FHIT: variants seen among roughly 807,000 people sequenced by gnomAD.
FHIT encodes fragile histidine triad diadenosine triphosphatase, also known as bis(5'-adenosyl)-triphosphatase.
FHIT carries 19 observed loss-of-function variants against 17.9 expected under a neutral mutation model. That is an observed-to-expected ratio of 1.06 (90% CI 0.74 to 1.56). The LOEUF (loss-of-function observed/expected upper bound fraction) is 1.56. Ranked by LOEUF, FHIT falls within the 40% of genes most tolerant of loss-of-function variation. FHIT has a pLI of 0.00. For synonymous variants in FHIT, 81 were observed against 69.7 expected, an observed-to-expected ratio of 1.16 and a Z score of -0.81; for missense variants, 248 against 189.2, an observed-to-expected ratio of 1.31 and a Z score of -1.82.
intron 3 of FHIT, among the ~76,000 whole-genome samples, chr3:61,040,334 A>T (rs1052649158): frequency 7.2e-5 from 11 of 152,344 alleles, no homozygotes; most frequent in East Asian, 1.9e-4. Flanking sequence ...TGAAAGTACT[A>T]TTGAGGATCA....
At chr3:60,834,547 T>A (rs534219681) in intron 3 of FHIT, among the ~76,000 whole-genome samples, 102 of 151,640 alleles carry the variant, frequency 6.7e-4, no homozygotes, top group Non-Finnish European at 1.4e-3. Context: ...AGCCTGTAGT[T>A]ATTCTTTTCA....
At chr3:60,412,787 G>A (rs1702109766) in intron 5 of FHIT, among the ~76,000 whole-genome samples, 1 of 152,296 alleles carries the variant, frequency 6.6e-6, no homozygotes, top group South Asian at 2.1e-4. Flanking sequence ...TAATCCCCAT[G>A]TGTCAAAGGA....
intron 2 of FHIT, among the ~76,000 whole-genome samples, chr3:61,130,018 G>A (rs2036718425): frequency 1.3e-5 from 2 of 152,168 alleles, no homozygotes; most frequent in South Asian, 4.1e-4. Context: ...ATGTGTATTT[G>A]TTAACCACTA....
At chr3:59,807,176 C>T (rs889844538) in intron 8 of FHIT, among the ~76,000 whole-genome samples, 1 of 152,144 alleles carries the variant, frequency 6.6e-6, no homozygotes, top group African/African-American at 2.4e-5. Flanking sequence ...TCAAAAATTA[C>T]ATTTTGGAAT....
At chr3:60,726,181 G>C (rs28576434) in intron 4 of FHIT, among the ~76,000 whole-genome samples, 2 of 151,986 alleles carry the variant, frequency 1.3e-5, no homozygotes, top group Admixed American at 6.6e-5. Flanking sequence ...CTCAACAAAG[G>C]GTAGGAAATC....
At chr3:61,159,433 T>C (rs1388331508) in intron 2 of FHIT, among the ~76,000 whole-genome samples, 3 of 152,248 alleles carry the variant, frequency 2.0e-5, no homozygotes, top group Admixed American at 6.5e-5. Context: ...GCATCTTCAT[T>C]CAGTGCACAG....
At chr3:60,429,768 T>C (rs1702806939) in intron 5 of FHIT, among the ~76,000 whole-genome samples, 1 of 152,096 alleles carries the variant, frequency 6.6e-6, no homozygotes, top group African/African-American at 2.4e-5. Context: ...ATAGTTGACT[T>C]TATCCCCACA....
chr3:61,113,904 T>G lies in FHIT; in HGVS notation c.-163-71805A>C, dbSNP rs373725174. On this transcript the variant is annotated intron_variant, in intron 2 of 9. Transcript: ENST00000492590. ...TGTGTTCCTCACCTGCAGCACACGGTCTCTGTCTGAGCTGAATAGTCTGTT... is the reference window on the plus strand; with the variant it reads ...TGTGTTCCTCACCTGCAGCACACGGGCTCTGTCTGAGCTGAATAGTCTGTT... Among the ~76,000 whole-genome samples, 295 of 152,250 alleles carry G rather than the reference T, an allele frequency of 1.9e-3. 1 individual carries two copies. The highest frequency in any genetic ancestry group is 3.5e-3 in the Non-Finnish European group (238 of 68,012).
chr3:59,783,964 T>C (rs1392433704), intron 8 of FHIT, among the ~76,000 whole-genome samples: 4 of 152,032 alleles, frequency 2.6e-5, no homozygotes, highest in Non-Finnish European at 4.4e-5. Context: ...AAACCTTAAA[T>C]AGGAAGTCAG....
In FHIT at chr3:60,085,569, A is replaced by G. The variant is rs374107156; in HGVS notation, c.104-71417T>C. Among the ~76,000 whole-genome samples, 3 of 152,170 alleles carry G rather than the reference A, an allele frequency of 2.0e-5. No individual in the cohort carries two copies. In the East Asian group the frequency reaches 5.8e-4, roughly 29 times the overall value. On this transcript the variant is annotated intron_variant, in intron 5 of 9. Coordinates refer to ENST00000492590, the MANE Select transcript of FHIT (RefSeq NM_002012.4). ...TTTTCCTCCGGAATGTTCTCCCAGA[A>G]AGTTTCTACCAGTTTGCTACAAGTT...
At chr3:60,926,521 A>G (rs1559836389) in intron 3 of FHIT, among the ~76,000 whole-genome samples, 2 of 152,254 alleles carry the variant, frequency 1.3e-5, no homozygotes, top group South Asian at 4.1e-4. Flanking sequence ...GAACAAAGAC[A>G]CAACATACCA....
intron 4 of FHIT, among the ~76,000 whole-genome samples, chr3:60,666,884 CAG>C (rs1179363703): frequency 7.7e-5 from 9 of 117,418 alleles, no homozygotes; most frequent in Non-Finnish European, 1.2e-4. Flanking sequence ...TTTTTTGAGA[CAG>C]AGTCTCACTT....
At chr3:60,397,385 T>C (rs1701487777) in intron 5 of FHIT, among the ~76,000 whole-genome samples, 1 of 151,908 alleles carries the variant, frequency 6.6e-6, no homozygotes, top group Admixed American at 6.6e-5. Flanking sequence ...GAAGAAGGAG[T>C]CTTAGGCTCC....
chr3:61,228,555 T>C (rs1488467598), intron 1 of FHIT, among the ~76,000 whole-genome samples: 1 of 152,226 alleles, frequency 6.6e-6, no homozygotes, highest in Non-Finnish European at 1.5e-5. Flanking sequence ...TTAAATAAAT[T>C]TGTATGCTTT....
intron 2 of FHIT, among the ~76,000 whole-genome samples, chr3:61,065,462 A>C (rs981697432): frequency 1.3e-5 from 2 of 152,192 alleles, no homozygotes; most frequent in African/African-American, 4.8e-5. Context: ...TATAAAAATC[A>C]AAAGTGACCC....
chr3:59,894,229 A>G (rs1029920947), intron 8 of FHIT, among the ~76,000 whole-genome samples: 3 of 152,188 alleles, frequency 2.0e-5, no homozygotes, highest in African/African-American at 7.2e-5. Context: ...TGGGCAACAA[A>G]GTGAGACCCT....
chr3:60,182,630 C>T (rs1251354320), intron 5 of FHIT, among the ~76,000 whole-genome samples: 1 of 151,752 alleles, frequency 6.6e-6, no homozygotes, highest in Non-Finnish European at 1.5e-5. Context: ...AATATAACAA[C>T]AAAAAAGTCA....
chr3:60,415,801 G>A (rs1310403338), intron 5 of FHIT, among the ~76,000 whole-genome samples: 1 of 149,302 alleles, frequency 6.7e-6, no homozygotes, highest in Non-Finnish European at 1.5e-5. Flanking sequence ...TGATTTCTCT[G>A]AGCCTCACTT....
intron 8 of FHIT, among the ~76,000 whole-genome samples, chr3:59,752,803 G>A (rs1666057): frequency 0.69 from 104,550 of 151,986 alleles, 36,095 homozygotes; most frequent in Middle Eastern, 0.74. Flanking sequence ...TGATTGAAAG[G>A]TTCCTGAGGC....
Sources: gnomAD v4.1 joint callset for allele counts (sites outside exome capture counted in the v4.1 genomes callset) on GRCh38, gnomAD v4.1.1 for gene constraint, MANE v1.5 for transcripts, NCBI Gene and HGNC (gene_info 2026-07-23, HGNC 2026-07-21) for gene names.